Variants in ZBTB45 observed in about 807,000 individuals in gnomAD.
ZBTB45 encodes zinc finger and BTB domain-containing protein 45.
ZBTB45 carries 22 observed loss-of-function variants against 28.4 expected under a neutral mutation model. The observed-to-expected ratio is 0.77, with a 90% CI of 0.55 to 1.10. The LOEUF (loss-of-function observed/expected upper bound fraction) is 1.10. Ranked by LOEUF, ZBTB45 falls within the 50% of genes least tolerant of loss-of-function variation. The pLI, the probability that ZBTB45 is intolerant of heterozygous loss-of-function variation, is 0.00. For missense variants in ZBTB45, 656 were observed against 750.2 expected (o/e 0.87, Z 1.47); for synonymous variants, 361 against 332.3 (o/e 1.09, Z -0.94).
upstream of ZBTB45, among the ~76,000 whole-genome samples, chr19:58,520,974 C>A (rs2053571892): frequency 7.5e-6 from 1 of 133,056 alleles, no homozygotes; most frequent in African/African-American, 2.9e-5. Flanking sequence ...CTGGCATGAA[C>A]CCGGGAGGCG....
Position 58,516,490 on chromosome 19 carries a change from G to C in ZBTB45, c.1184C>G (p.Thr395Ser). 2.5e-6 allele frequency: 4 copies of C among 1,613,880 alleles called. No homozygotes were observed. The highest frequency in any genetic ancestry group is 3.4e-6 in the Non-Finnish European group (4 of 1,179,838). The change falls in exon 2 of 3, where the codon ACC becomes AGC. Residue 395 changes from threonine to serine, a missense_variant. By Grantham distance (58) the Thr-to-Ser change is moderately conservative. Transcript: ENST00000594051. This position sits in a 1 kb window ranked among gnomAD's most constrained non-coding sequence, Gnocchi z 6.2. Reference protein sequence around the residue: ...TTAPSGTPARTPGAEPPTYEC... With the variant: ...TTAPSGTPARSPGAEPPTYEC... ...ATACGTAGGTGGCTCAGCACCTGGG[G>C]TGCGAGCAGGGGTGCCTGAGGGGGC...
chr19:58,514,447 T>A, intron 2 of ZBTB45, 137 bp from the exon 3 acceptor site: 1 of 1,008,242 alleles, frequency 9.9e-7, no homozygotes, highest in Non-Finnish European at 1.4e-6. Flanking sequence ...CGGGATCCCT[T>A]GCCTATCAGA....
upstream of ZBTB45, among the ~76,000 whole-genome samples, chr19:58,521,415 C>T (rs2053578151): frequency 6.6e-6 from 1 of 151,106 alleles, no homozygotes; most frequent in Non-Finnish European, 1.5e-5. Context: ...GACCTTAGCC[C>T]TAGAAGTGCG....
At chr19:58,528,168 T>A (rs2053617308) in intron 1 of ZBTB45, among the ~76,000 whole-genome samples, 1 of 152,036 alleles carries the variant, frequency 6.6e-6, no homozygotes, top group Non-Finnish European at 1.5e-5. Context: ...GGAAGACACA[T>A]ACCCCTGAAG....
chr19:58,514,189 G>C lies in ZBTB45; in HGVS notation c.1401C>G (p.Arg467=). ...RAFQCAVCAK[R]FTQKSSLNVH... ...CGTTGAGCGAGCTCTTCTGCGTGAA[G>C]CGCTTGGCGCAGACGGCGCACTGGA... The change falls in exon 3 of 3, where the codon CGC becomes CGG. Residue 467 remains arginine (R), a synonymous_variant. Transcript: ENST00000594051. The C allele has an allele frequency of 6.2e-7, 1 of 1,612,578 alleles. No homozygotes were observed. Among genetic ancestry groups the C allele is most frequent in the Non-Finnish European group, 8.5e-7 (1 of 1,179,628 alleles).
Position 58,526,531 on chromosome 19 carries a change from T to TATTA in ZBTB45, c.1-8859_1-8858insTAAT, listed in dbSNP as rs760766410. Among the ~76,000 whole-genome samples, 120 of 82,252 alleles carry TATTA rather than the reference T, an allele frequency of 1.5e-3. 2 individuals are homozygous for TATTA. The highest frequency in any genetic ancestry group is 5.3e-3 in the South Asian group (11 of 2,066). The allele number at this position is 82,252 out of a possible 152,430, so 54.0% of individuals were successfully genotyped here. ...GGCTGTTATTATTATTATTATTTTT[T>TATTA]TTTTTTTTTTTTTTTTTTGAGATGG... On this transcript the variant is annotated intron_variant, in intron 1 of 1. Transcript: ENST00000600130.
At chr19:58,535,005 G>A (rs1281670107) in intron 1 of ZBTB45, among the ~76,000 whole-genome samples, 3 of 151,888 alleles carry the variant, frequency 2.0e-5, no homozygotes, top group East Asian at 3.9e-4. Flanking sequence ...ACAGGCACCC[G>A]CTACCACACC....
At chr19:58,532,147 C>G (rs1454949628) in intron 1 of ZBTB45, among the ~76,000 whole-genome samples, 1 of 152,136 alleles carries the variant, frequency 6.6e-6, no homozygotes, top group Non-Finnish European at 1.5e-5. Flanking sequence ...ATGTGGAGCT[C>G]TGAACAGTCC....
upstream of ZBTB45, among the ~76,000 whole-genome samples, chr19:58,523,275 C>T (rs542461265): frequency 6.6e-6 from 1 of 151,958 alleles, no homozygotes; most frequent in South Asian, 2.1e-4. Context: ...TCTGTGGTGG[C>T]GTCTGTAATC....
chr19:58,523,894 C>A (rs1310210125), upstream of ZBTB45, among the ~76,000 whole-genome samples: 7 of 10,674 alleles, frequency 6.6e-4, no homozygotes, highest in African/African-American at 8.5e-4. Flanking sequence ...GATATGGACT[C>A]CATCTTTAAA....
chr19:58,527,288 G>GA (rs2053612978), intron 1 of ZBTB45, among the ~76,000 whole-genome samples: 1 of 152,098 alleles, frequency 6.6e-6, no homozygotes, highest in African/African-American at 2.4e-5. Flanking sequence ...CTCCAGACAC[G>GA]AACTCTGCCA....
At chr19:58,530,857 G>C (rs1301614682) in intron 1 of ZBTB45, among the ~76,000 whole-genome samples, 1 of 151,948 alleles carries the variant, frequency 6.6e-6, no homozygotes. Flanking sequence ...CTAATTTTTT[G>C]TATTTTTAGT....
chr19:58,515,911 G>C lies in ZBTB45; in HGVS notation c.1279+484C>G, dbSNP rs1236012741. On this transcript the variant is annotated intron_variant, in intron 2 of 2. Transcript: ENST00000594051. The surrounding 1 kb of genome is among the most constrained non-coding windows in gnomAD (Gnocchi z 4.7). ...CCTATGTTTTCCTACTCATGCCCCA[G>C]TCTCAGGAGTTCCTGGGGCCTTCAT... is the stretch of plus-strand genomic sequence containing the variant. Among the ~76,000 whole-genome samples, 1 of 152,128 alleles carries C rather than the reference G, an allele frequency of 6.6e-6. No individual in the cohort carries two copies. Among genetic ancestry groups the C allele is most frequent in the East Asian group, 1.9e-4 (1 of 5,182 alleles).
At chr19:58,531,466 C>G (rs2053635434) in intron 1 of ZBTB45, among the ~76,000 whole-genome samples, 1 of 152,180 alleles carries the variant, frequency 6.6e-6, no homozygotes, top group African/African-American at 2.4e-5. Flanking sequence ...CTCCATGTAC[C>G]TCATAACATA....
chr19:58,533,731 A>G (rs2053646001), intron 1 of ZBTB45, among the ~76,000 whole-genome samples: 1 of 152,170 alleles, frequency 6.6e-6, no homozygotes, highest in Non-Finnish European at 1.5e-5. Context: ...TGGGAATCAG[A>G]TCATGCCACC....
upstream of ZBTB45, among the ~76,000 whole-genome samples, chr19:58,521,324 G>A (rs2053576438): frequency 6.9e-6 from 1 of 144,666 alleles, no homozygotes; most frequent in East Asian, 2.0e-4. Flanking sequence ...CCAAGATAGC[G>A]CCACTGCAGT....
chr19:58,538,390 CAGGGTGGTGGGCTGG>C (rs1156503189), intron 1 of ZBTB45, among the ~76,000 whole-genome samples: 4 of 151,858 alleles, frequency 2.6e-5, no homozygotes, highest in African/African-American at 7.3e-5. Context: ...AGGGCGTCTT[CAGGGTGGTGGGCTGG>C]AGGGGGCGGG....
In ZBTB45 at chr19:58,517,164, G is replaced by A; in HGVS notation, c.510C>T (p.Ser170=). 6.2e-7 allele frequency: 1 copy of A among 1,611,086 alleles called. No homozygotes were observed. Among genetic ancestry groups the A allele is most frequent in the Non-Finnish European group, 8.5e-7 (1 of 1,179,112 alleles). Residue 170 remains serine (S), a synonymous_variant, in exon 2 of 3, where the codon AGC becomes AGT. Transcript: ENST00000594051. ...AACGCGCGGGCTGGCGCTGCTTACG[G>A]CTGTGTGCAGCACCGGGGTGCCCCG... The part of the protein sequence containing the change: ...RPPGHPGAAH[S]RKQRQPARLQ...
At chr19:58,526,737 T>G (rs1490503062) in intron 1 of ZBTB45, among the ~76,000 whole-genome samples, 1 of 149,182 alleles carries the variant, frequency 6.7e-6, no homozygotes, top group African/African-American at 2.5e-5. Context: ...TTCACCGTTT[T>G]AGCCGGGATG....
Sources: gnomAD v4.1 joint callset for allele counts (sites outside exome capture counted in the v4.1 genomes callset) on GRCh38, gnomAD v4.1.1 for gene constraint, Gnocchi (gnomAD v3.1) non-coding constraint, MANE v1.5 for transcripts, NCBI Gene and HGNC (gene_info 2026-07-23, HGNC 2026-07-21) for gene names.